Variants in ADAMTSL3 observed in about 807,000 individuals in gnomAD.
ADAMTSL3 encodes ADAMTS like 3, also known as ADAMTS-like protein 3.
A neutral mutation model predicts 201.7 loss-of-function variants in ADAMTSL3; 128 were observed. That is an observed-to-expected ratio of 0.63 (90% CI 0.55 to 0.73). The LOEUF (loss-of-function observed/expected upper bound fraction) is 0.73, where lower values mean the gene tolerates loss of function less well. Ranked by LOEUF, ADAMTSL3 falls within the 30% of genes least tolerant of loss-of-function variation. ADAMTSL3 has a pLI of 0.00. For synonymous variants in ADAMTSL3, 738 were observed against 748.4 expected, an observed-to-expected ratio of 0.99 and a Z score of 0.23; for missense variants, 1,990 against 2,119.6, an observed-to-expected ratio of 0.94 and a Z score of 1.20.
intron 19 of ADAMTSL3, among the ~76,000 whole-genome samples, chr15:83,963,568 C>T (rs2067016045): frequency 6.6e-6 from 1 of 152,216 alleles, no homozygotes; most frequent in Non-Finnish European, 1.5e-5. Flanking sequence ...GAAGGGGCAG[C>T]TGTGGGTGCA....
chr15:83,861,999 A>G (rs1008601599), intron 8 of ADAMTSL3: 5 of 152,260 alleles, frequency 3.3e-5, no homozygotes, highest in African/African-American at 4.8e-5. Flanking sequence ...AATTCGATCA[A>G]CTGGAAGAAA....
In ADAMTSL3 at chr15:83,858,909, CAAAA is replaced by C. The variant is rs142508012; in HGVS notation, c.802+72_802+75del. 5 of 1,353,058 alleles carry C rather than the reference CAAAA, an allele frequency of 3.7e-6. No individual in the cohort carries two copies. The African/African-American group carries it at 4.5e-5, about 12-fold the overall frequency. The allele number at this position is 1,353,058 out of a possible 1,614,324, so 83.8% of individuals were successfully genotyped here. The stretch of plus-strand genomic sequence containing the variant: ...TTAGTTAGCCAAAAAAAACAAAAAA[CAAAA>C]AACCCACAAACCAAACCAACAAGCA... On this transcript the variant is annotated intron_variant, in intron 8 of 29. Transcript: ENST00000286744.
chr15:83,972,111 C>T (rs1259373677), intron 20 of ADAMTSL3, among the ~76,000 whole-genome samples: 1 of 152,034 alleles, frequency 6.6e-6, no homozygotes, highest in Admixed American at 6.6e-5. Context: ...GAGGCAGATA[C>T]TATCTCCATC....
intron 2 of ADAMTSL3, among the ~76,000 whole-genome samples, chr15:83,698,680 C>T (rs552111076): frequency 1.3e-5 from 2 of 152,316 alleles, no homozygotes; most frequent in East Asian, 3.9e-4. Context: ...CTGGAAATGT[C>T]CAACGCATGT....
chr15:83,688,063 A>G (rs2061561411), intron 2 of ADAMTSL3, among the ~76,000 whole-genome samples: 1 of 152,214 alleles, frequency 6.6e-6, no homozygotes, highest in South Asian at 2.1e-4. Context: ...ACGTTCAAAC[A>G]ATAGAAGCAG....
intron 2 of ADAMTSL3, among the ~76,000 whole-genome samples, chr15:83,664,274 G>A (rs572841019): frequency 6.2e-5 from 9 of 145,834 alleles, no homozygotes; most frequent in South Asian, 2.2e-4. Context: ...TTTTCTTTTC[G>A]TTTTTTTTTT....
At position 83,654,665 on chromosome 15, in the gene ADAMTSL3, T is replaced by A. The variant is rs1041431773; in HGVS notation, c.-34+389T>A. Reference sequence around the variant, plus strand: ...TAGCGAGCGCCCAGAACGCCGGGGGTTGAGGCGACGCGCGATCGTGGAAAG... The same window carrying A: ...TAGCGAGCGCCCAGAACGCCGGGGGATGAGGCGACGCGCGATCGTGGAAAG... On this transcript the variant is annotated intron_variant, in intron 1 of 29. Coordinates refer to ENST00000286744, the MANE Select transcript of ADAMTSL3 (RefSeq NM_207517.3). This position sits in a 1 kb window ranked among gnomAD's most constrained non-coding sequence, Gnocchi z 5.3. Among the ~76,000 whole-genome samples the A allele has an allele frequency of 6.6e-6, 1 of 151,356 alleles. No homozygotes were observed. The highest frequency in any genetic ancestry group is 2.4e-5 in the African/African-American group (1 of 41,122).
intron 6 of ADAMTSL3, among the ~76,000 whole-genome samples, chr15:83,824,128 C>T (rs1238609810): frequency 1.3e-5 from 2 of 151,630 alleles, no homozygotes; most frequent in Non-Finnish European, 2.9e-5. Flanking sequence ...ATTGCAGACT[C>T]ATCCTCCTGG....
At chr15:83,979,152 C>T (rs542847295) in intron 20 of ADAMTSL3, among the ~76,000 whole-genome samples, 77 of 152,350 alleles carry the variant, frequency 5.1e-4, no homozygotes, top group African/African-American at 1.7e-3. Flanking sequence ...GCTTCCGCAC[C>T]ATCCCAGTGA....
rs2064313734 is a variant in ADAMTSL3 at position 83,838,233 on chromosome 15, T to C, written c.727+18T>C. ...TGAAAAAAGTAGGTTTTAAACCCAATACGTTATTACCATCATACAAGATAT... is the reference window on the plus strand; with the variant it reads ...TGAAAAAAGTAGGTTTTAAACCCAACACGTTATTACCATCATACAAGATAT... On this transcript the variant is annotated intron_variant, in intron 7 of 29. Coordinates refer to ENST00000286744, the MANE Select transcript of ADAMTSL3 (RefSeq NM_207517.3). The C allele has an allele frequency of 6.2e-7, 1 of 1,609,718 alleles. No individual in the cohort carries two copies. The highest frequency in any genetic ancestry group is 8.5e-7 in the Non-Finnish European group (1 of 1,177,816).
In ADAMTSL3 at chr15:83,655,183, T is replaced by A. The variant is rs1427797078; in HGVS notation, c.-33-546T>A. Among the ~76,000 whole-genome samples, 4 of 152,116 alleles carry A rather than the reference T, an allele frequency of 2.6e-5. No homozygotes were observed. In the South Asian group the frequency reaches 6.2e-4, roughly 24 times the overall value. ...TCCTCCAAACCTCCCTGAACTTAGC[T>A]CTCAGGCGTCTCTCTGGGTGTGGGT... On this transcript the variant is annotated intron_variant, in intron 1 of 29. Transcript: ENST00000286744.
At position 83,890,230 on chromosome 15, in the gene ADAMTSL3, G is replaced by A; in HGVS notation, c.1194G>A (p.Met398Ile). ...KPKPKLKECS[M>I]DPCPSSDGFK... ...AACCAAAACTGAAGGAATGCAGCAT[G>A]GATCCCTGCCCATCAAGGTTTGTGT... The change falls in exon 11 of 30, where the codon ATG becomes ATA. Residue 398 changes from methionine (M) to isoleucine (I), a missense_variant. By Grantham distance (10) the Met-to-Ile change is conservative (BLOSUM62 1). Transcript: ENST00000286744. 6.2e-7 allele frequency: 1 copy of A among 1,613,766 alleles called. No homozygotes were observed. The highest frequency in any genetic ancestry group is 8.5e-7 in the Non-Finnish European group (1 of 1,179,802).
chr15:83,856,491 A>T (rs1596319713), intron 7 of ADAMTSL3, among the ~76,000 whole-genome samples: 2 of 152,040 alleles, frequency 1.3e-5, no homozygotes, highest in Admixed American at 1.3e-4. Context: ...CCTTTTTTTT[A>T]AAAAAAGCTA....
chr15:83,838,200 G>A lies in ADAMTSL3; in HGVS notation c.712G>A (p.Val238Ile), dbSNP rs762879059. ...TGTACGGGGACAATCAAAGTCACAC[G>A]TTTCTCCTGAAAAAAGTAGGTTTTA... Reference protein sequence around the residue: ...RLVRGQSKSHVSPEKREENVI... With the variant: ...RLVRGQSKSHISPEKREENVI... The change falls in exon 7 of 30, where the codon GTT (valine) becomes ATT (isoleucine). Residue 238 changes from valine to isoleucine, a missense_variant. Transcript: ENST00000286744. The A allele has an allele frequency of 2.5e-6, 4 of 1,612,584 alleles. No individual in the cohort carries two copies. The highest frequency in any genetic ancestry group is 1.1e-5 in the South Asian group (1 of 90,736).
chr15:83,796,009 G>A (rs747117674), intron 4 of ADAMTSL3, among the ~76,000 whole-genome samples: 5 of 152,114 alleles, frequency 3.3e-5, no homozygotes, highest in Admixed American at 3.3e-4. Flanking sequence ...TGCAAAAGTA[G>A]CAGTTAATAA....
chr15:83,698,061 A>C (rs1451702150), intron 2 of ADAMTSL3, among the ~76,000 whole-genome samples: 1 of 152,144 alleles, frequency 6.6e-6, no homozygotes, highest in Non-Finnish European at 1.5e-5. Context: ...TGTGTCAGGA[A>C]CTGCAGTCAA....
intron 5 of ADAMTSL3, among the ~76,000 whole-genome samples, chr15:83,808,372 T>C (rs1358161547): frequency 6.6e-6 from 1 of 152,130 alleles, no homozygotes; most frequent in Non-Finnish European, 1.5e-5. Flanking sequence ...CCAACCCAGG[T>C]GTATGAAAAA....
At chr15:83,895,900 T>C (rs1459478928) in intron 13 of ADAMTSL3, among the ~76,000 whole-genome samples, 1 of 152,220 alleles carries the variant, frequency 6.6e-6, no homozygotes, top group South Asian at 2.1e-4. Flanking sequence ...AGTGGCATCA[T>C]GAACTAGAGA....
At chr15:83,741,545 A>AG (rs1202702397) in intron 3 of ADAMTSL3, among the ~76,000 whole-genome samples, 1 of 152,226 alleles carries the variant, frequency 6.6e-6, no homozygotes, top group African/African-American at 2.4e-5. Context: ...AAATGAGGAA[A>AG]GACATGTGAA....
Sources: allele counts gnomAD v4.1 joint callset (sites outside exome capture counted in the v4.1 genomes callset), GRCh38; gene constraint gnomAD v4.1.1; non-coding constraint Gnocchi (gnomAD v3.1); transcripts MANE v1.5; gene names NCBI Gene and HGNC (gene_info 2026-07-23, HGNC 2026-07-21).